Variants in GALNT13 observed in about 807,000 individuals in gnomAD.
GALNT13 encodes the protein UDP-GalNAc:polypeptide N-acetylgalactosaminyltransferase 13.
Under a neutral mutation model 64.2 loss-of-function variants are expected in GALNT13, and 28 were observed. That is an observed-to-expected ratio of 0.44 (90% confidence interval 0.32 to 0.60). The LOEUF (loss-of-function observed/expected upper bound fraction) is 0.60, where lower values mean the gene tolerates loss of function less well. GALNT13 is among the 20% of genes least tolerant of loss of function. The pLI is 0.05. For missense variants in GALNT13, 577 were observed against 669.8 expected (o/e 0.86, Z 1.53); for synonymous variants, 214 against 224.6 (o/e 0.95, Z 0.42).
the GALNT13 span, among the ~76,000 whole-genome samples, chr2:153,434,648 A>C: frequency 6.6e-6 from 1 of 152,106 alleles, no homozygotes; most frequent in Non-Finnish European, 1.5e-5. Context: ...GTCTGTTCGT[A>C]TACTTTGCCC....
At chr2:154,149,925 C>T (rs1399087583) in intron 4 of GALNT13, among the ~76,000 whole-genome samples, 1 of 152,190 alleles carries the variant, frequency 6.6e-6, no homozygotes, top group African/African-American at 2.4e-5. Flanking sequence ...TTATTTCCTT[C>T]TCCTGCCTGA....
the GALNT13 span, among the ~76,000 whole-genome samples, chr2:153,855,100 A>C: frequency 6.6e-6 from 1 of 152,326 alleles, no homozygotes; most frequent in South Asian, 2.1e-4. Context: ...AATGTGGAAC[A>C]GCAAGAAATA....
At chr2:154,036,845 C>A (rs1024752396) in intron 3 of GALNT13, among the ~76,000 whole-genome samples, 1 of 152,030 alleles carries the variant, frequency 6.6e-6, no homozygotes, top group African/African-American at 2.4e-5. Context: ...ATATCGATAT[C>A]TTTGTTCCAC....
chr2:153,491,293 C>T, the GALNT13 span, among the ~76,000 whole-genome samples: 3 of 151,838 alleles, frequency 2.0e-5, no homozygotes, highest in Non-Finnish European at 4.4e-5. Flanking sequence ...TGTGAAGCTT[C>T]ACAAAGGAAA....
the GALNT13 span, among the ~76,000 whole-genome samples, chr2:153,806,469 G>A: frequency 1.3e-5 from 2 of 151,848 alleles, no homozygotes; most frequent in Non-Finnish European, 2.9e-5. Context: ...TAAAATATAG[G>A]CGGGAAATTA....
chr2:153,921,789 C>A (rs896115470), intron 2 of GALNT13, among the ~76,000 whole-genome samples: 3 of 151,910 alleles, frequency 2.0e-5, no homozygotes, highest in Non-Finnish European at 4.4e-5. Flanking sequence ...AAACAATTGA[C>A]ACATGGACAA....
At chr2:154,308,935 A>G (rs1046911820) in intron 9 of GALNT13, among the ~76,000 whole-genome samples, 9 of 152,228 alleles carry the variant, frequency 5.9e-5, no homozygotes, top group Middle Eastern at 6.8e-3. Flanking sequence ...GTCAACATTT[A>G]TTATTGGTCC....
At chr2:153,999,567 A>G (rs1290122117) in intron 3 of GALNT13, among the ~76,000 whole-genome samples, 2 of 152,192 alleles carry the variant, frequency 1.3e-5, no homozygotes, top group East Asian at 1.9e-4. Context: ...ATGTATTGTA[A>G]CACATGTATG....
chr2:153,736,713 T>A, the GALNT13 span, among the ~76,000 whole-genome samples: 1 of 152,218 alleles, frequency 6.6e-6, no homozygotes, highest in Non-Finnish European at 1.5e-5. Context: ...AAGTTGAACC[T>A]AACACTAGAG....
the GALNT13 span, among the ~76,000 whole-genome samples, chr2:153,745,499 G>GT: frequency 6.6e-6 from 1 of 151,862 alleles, no homozygotes. Flanking sequence ...TCCTTTTGAG[G>GT]TTTTTTCCTC....
chr2:154,300,142 C>T (rs1693354548), intron 8 of GALNT13, among the ~76,000 whole-genome samples: 1 of 138,728 alleles, frequency 7.2e-6, no homozygotes, highest in Non-Finnish European at 1.5e-5. Context: ...CTTTTGTCAC[C>T]CAGGCTGGAG....
At chr2:153,228,595 C>T in the GALNT13 span, among the ~76,000 whole-genome samples, 1,235 of 152,078 alleles carry the variant, frequency 8.1e-3, 21 homozygotes, top group East Asian at 0.039. Flanking sequence ...AATGTAGATA[C>T]GAGGCAGGGC....
At chr2:154,170,770 G>A (rs1423650316) in intron 4 of GALNT13, among the ~76,000 whole-genome samples, 4 of 152,060 alleles carry the variant, frequency 2.6e-5, no homozygotes. Context: ...CCTTGTGATG[G>A]CATTTTATAT....
At chr2:153,858,636 T>C in the GALNT13 span, among the ~76,000 whole-genome samples, 1 of 152,218 alleles carries the variant, frequency 6.6e-6, no homozygotes, top group Admixed American at 6.5e-5. Flanking sequence ...GTTTCTGTTG[T>C]TAATCACTTA....
At chr2:153,277,927 C>CTTTTTTTTTTTTTTTTTTTTTTTTTTT in the GALNT13 span, among the ~76,000 whole-genome samples, 17 of 80,110 alleles carry the variant, frequency 2.1e-4, no homozygotes, top group Non-Finnish European at 3.2e-4. Flanking sequence ...TCTTTTCTTT[C>CTTTTTTTTTTTTTTTTTTTTTTTTTTT]TTTTTTTTTT....
At chr2:154,373,363 T>C (rs915060431) in intron 9 of GALNT13, among the ~76,000 whole-genome samples, 1 of 152,162 alleles carries the variant, frequency 6.6e-6, no homozygotes, top group Admixed American at 6.6e-5. Context: ...TGAATCATAA[T>C]GGCACCAGAA....
the GALNT13 span, among the ~76,000 whole-genome samples, chr2:153,164,764 T>C: frequency 6.6e-6 from 1 of 152,220 alleles, no homozygotes; most frequent in Non-Finnish European, 1.5e-5. Context: ...CTATGATGTA[T>C]AGCAGATCTA....
chr2:153,152,583 AG>A, the GALNT13 span, among the ~76,000 whole-genome samples: 1 of 151,980 alleles, frequency 6.6e-6, no homozygotes, highest in Admixed American at 6.6e-5. Context: ...ACCCTCCAAA[AG>A]GTCCTAGTGT....
chr2:154,033,928 G>C (rs1051498764), intron 3 of GALNT13, among the ~76,000 whole-genome samples: 4 of 152,066 alleles, frequency 2.6e-5, no homozygotes, highest in African/African-American at 9.7e-5. Context: ...GACAGAGCAG[G>C]ACTCCATCTC....
Sources: allele counts gnomAD v4.1 joint callset (sites outside exome capture counted in the v4.1 genomes callset), GRCh38; gene constraint gnomAD v4.1.1; transcripts MANE v1.5; gene names NCBI Gene and HGNC (gene_info 2026-07-23, HGNC 2026-07-21).